Variants in CAMTA1 observed in about 807,000 individuals in gnomAD.
CAMTA1 encodes the protein calmodulin-binding transcription activator 1.
CAMTA1 carries 27 observed loss-of-function variants against 170.9 expected under a neutral mutation model. That is an observed-to-expected ratio of 0.16 (90% confidence interval 0.12 to 0.22). The LOEUF is 0.22. CAMTA1 is among the 10% of genes least tolerant of loss of function. CAMTA1 has a pLI of 1.00. For synonymous variants in CAMTA1, 833 were observed against 891.5 expected (o/e 0.93, Z 1.17); for missense variants, 1,619 against 2,217.2 (o/e 0.73, Z 5.42).
chr1:6,989,397 C>G (rs545165834), intron 3 of CAMTA1, among the ~76,000 whole-genome samples: 3 of 152,210 alleles, frequency 2.0e-5, no homozygotes, highest in Non-Finnish European at 2.9e-5. Flanking sequence ...CGTGGCCGCT[C>G]TCTTGTCATG....
At chr1:7,266,012 A>G (rs1668866727) in intron 5 of CAMTA1, among the ~76,000 whole-genome samples, 1 of 152,248 alleles carries the variant, frequency 6.6e-6, no homozygotes, top group Admixed American at 6.5e-5. Context: ...TTCCCTTGAC[A>G]GTACTTGGCT....
chr1:7,009,502 T>G (rs1699487469), intron 3 of CAMTA1, among the ~76,000 whole-genome samples: 2 of 152,160 alleles, frequency 1.3e-5, no homozygotes, highest in Non-Finnish European at 2.9e-5. Flanking sequence ...ATCTGATGCA[T>G]CTGCACTGCC....
intron 22 of CAMTA1, among the ~76,000 whole-genome samples, chr1:7,765,479 T>C (rs1196693317): frequency 6.6e-6 from 1 of 152,228 alleles, no homozygotes; most frequent in Non-Finnish European, 1.5e-5. Context: ...CTACAGTATG[T>C]TTGATGAATA....
chr1:7,350,970 G>A lies in CAMTA1; in HGVS notation c.438+101344G>A, dbSNP rs1476385233. On this transcript the variant is annotated intron_variant, in intron 5 of 22. Coordinates refer to ENST00000303635, the MANE Select transcript of CAMTA1 (RefSeq NM_015215.4). ...CCAAGCTTCCAGGGCTTCCCGGTAG[G>A]GCACTTCTCTGCCCCAGCAGCTGCC... 2.6e-5 allele frequency among the ~76,000 whole-genome samples: 4 copies of A among 152,344 alleles called. No individual in the cohort carries two copies. The East Asian group carries it at 7.7e-4, about 29-fold the overall frequency.
intron 3 of CAMTA1, among the ~76,000 whole-genome samples, chr1:7,009,707 C>A (rs769457704): frequency 2.6e-5 from 4 of 152,246 alleles, no homozygotes; most frequent in Admixed American, 6.5e-5. Context: ...GCACTCCCAA[C>A]CTTGCCTCCC....
chr1:7,050,928 C>T lies in CAMTA1; in HGVS notation c.235-40376C>T, dbSNP rs72640029. Among the ~76,000 whole-genome samples, 19 of 152,112 alleles carry T rather than the reference C, an allele frequency of 1.2e-4. No individual in the cohort carries two copies. Among genetic ancestry groups the T allele is most frequent in the Admixed American group, 3.9e-4 (6 of 15,284 alleles). On this transcript the variant is annotated intron_variant, in intron 3 of 22. Coordinates refer to ENST00000303635, the MANE Select transcript of CAMTA1 (RefSeq NM_015215.4). This position sits in a 1 kb window ranked among gnomAD's most constrained non-coding sequence, Gnocchi z 4.8. The stretch of plus-strand genomic sequence containing the variant: ...ACTGCAGGGAGCAGCGCTGGAAGCC[C>T]GGCCCTCTGTACTGTGTGTTCCCAG...
rs899948672 is a variant in CAMTA1 at position 7,565,096 on chromosome 1, AG to A, written c.511-75299del. 8.6e-5 allele frequency among the ~76,000 whole-genome samples: 13 copies of A among 151,966 alleles called. No homozygotes were observed. Among genetic ancestry groups the A allele is most frequent in the Admixed American group, 7.9e-4 (12 of 15,274 alleles). ...CCAAAGCAGAGGGGCTGTGGGTGCCAGGGGGCTCCCTGGGGAGACTCCTGCC... is the reference window on the plus strand; with the variant it reads ...CCAAAGCAGAGGGGCTGTGGGTGCCAGGGGCTCCCTGGGGAGACTCCTGCC... On this transcript the variant is annotated intron_variant, in intron 6 of 22. Coordinates refer to ENST00000303635, the MANE Select transcript of CAMTA1 (RefSeq NM_015215.4). This position sits in a 1 kb window ranked among gnomAD's most constrained non-coding sequence, Gnocchi z 4.5.
chr1:7,129,794 T>G (rs561321683), intron 4 of CAMTA1, among the ~76,000 whole-genome samples: 1 of 152,204 alleles, frequency 6.6e-6, no homozygotes, highest in Non-Finnish European at 1.5e-5. Flanking sequence ...ACTCATCCCT[T>G]CTGTCCCTCT....
intron 4 of CAMTA1, among the ~76,000 whole-genome samples, chr1:7,100,555 C>G (rs1267261816): frequency 6.6e-6 from 1 of 152,218 alleles, no homozygotes; most frequent in East Asian, 1.9e-4. Context: ...AGAAATGCCT[C>G]AAAGTGCAGT....
intron 4 of CAMTA1, among the ~76,000 whole-genome samples, chr1:7,237,375 TG>T (rs1168243100): frequency 1.3e-5 from 2 of 152,132 alleles, no homozygotes; most frequent in East Asian, 3.9e-4. Flanking sequence ...CACGGCTCAC[TG>T]GAATAGCAGG....
chr1:6,788,119 A>G (rs1397531136), intron 1 of CAMTA1, among the ~76,000 whole-genome samples: 1 of 152,080 alleles, frequency 6.6e-6, no homozygotes, highest in Non-Finnish European at 1.5e-5. Context: ...GAATGATTTG[A>G]GCCCTGTCGG....
At position 7,205,575 on chromosome 1, in the gene CAMTA1, T is replaced by A. The variant is rs182178888; in HGVS notation, c.303-43916T>A. 3.7e-4 allele frequency among the ~76,000 whole-genome samples: 56 copies of A among 152,388 alleles called. No individual in the cohort carries two copies. In the East Asian group the frequency reaches 7.7e-3, roughly 21 times the overall value. ...CCTTCTATCTCTTGCAACATTTTTT[T>A]AAAGTCTATTGTATCTGACATGGTA... On this transcript the variant is annotated intron_variant, in intron 4 of 22. Coordinates refer to ENST00000303635, the MANE Select transcript of CAMTA1 (RefSeq NM_015215.4).
intron 3 of CAMTA1, among the ~76,000 whole-genome samples, chr1:6,946,487 T>C (rs1165505637): frequency 6.6e-6 from 1 of 152,216 alleles, no homozygotes; most frequent in South Asian, 2.1e-4. Context: ...CCATCTTAAC[T>C]AGACCTATCT....
chr1:7,202,662 T>G (rs1245777215), intron 4 of CAMTA1, among the ~76,000 whole-genome samples: 1 of 152,218 alleles, frequency 6.6e-6, no homozygotes, highest in African/African-American at 2.4e-5. Flanking sequence ...AATTGTTTTC[T>G]TAGTTTCACT....
chr1:7,741,170 G>A lies in CAMTA1; in HGVS notation c.4182+2688G>A, dbSNP rs145468695. Reference sequence around the variant, plus strand: ...ACCAGGGAGTGTAGGGAAATGAAGAGAGTAAAAGTGTATGAAAGCTCTCGG... The same window carrying A: ...ACCAGGGAGTGTAGGGAAATGAAGAAAGTAAAAGTGTATGAAAGCTCTCGG... On this transcript the variant is annotated intron_variant, in intron 16 of 22. Transcript: ENST00000303635. Among the ~76,000 whole-genome samples the A allele has an allele frequency of 2.7e-3, 411 of 151,780 alleles. 1 individual carries two copies. Among genetic ancestry groups the A allele is most frequent in the African/African-American group, 9.6e-3 (397 of 41,410 alleles).
At chr1:7,233,034 G>A (rs1452157559) in intron 4 of CAMTA1, among the ~76,000 whole-genome samples, 1 of 150,254 alleles carries the variant, frequency 6.7e-6, no homozygotes, top group African/African-American at 2.5e-5. Context: ...TGGACCAGAA[G>A]CTAATTCCCA....
rs551898498 is a variant in CAMTA1 at position 7,546,770 on chromosome 1, T to C, written c.510+78869T>C. Among the ~76,000 whole-genome samples, 7 of 152,332 alleles carry C rather than the reference T, an allele frequency of 4.6e-5. No individual in the cohort carries two copies. In the South Asian group the frequency reaches 1.2e-3, roughly 27 times the overall value. On this transcript the variant is annotated intron_variant, in intron 6 of 22. Coordinates refer to ENST00000303635, the MANE Select transcript of CAMTA1 (RefSeq NM_015215.4). ...TAATGATCAGTGACGTTGAGCACTT[T>C]TTCATATGCTTGTTGGCTGGACGAA...
At chr1:7,619,601 C>T (rs899844570) in intron 6 of CAMTA1, among the ~76,000 whole-genome samples, 12 of 152,056 alleles carry the variant, frequency 7.9e-5, no homozygotes, top group African/African-American at 1.4e-4. Context: ...GAGATTCACT[C>T]GCCACTGCCC....
At chr1:7,239,892 G>T (rs1057437689) in intron 4 of CAMTA1, among the ~76,000 whole-genome samples, 1 of 151,770 alleles carries the variant, frequency 6.6e-6, no homozygotes, top group Non-Finnish European at 1.5e-5. Flanking sequence ...TGAGAGAGGA[G>T]GAGGGGGCCA....
Sources: allele counts gnomAD v4.1 joint callset (sites outside exome capture counted in the v4.1 genomes callset), GRCh38; gene constraint gnomAD v4.1.1; non-coding constraint Gnocchi (gnomAD v3.1); transcripts MANE v1.5; gene names NCBI Gene and HGNC (gene_info 2026-07-23, HGNC 2026-07-21).